Variants in BACH1 observed in about 807,000 individuals in gnomAD.
BACH1 encodes the protein transcription regulator protein BACH1.
BACH1 carries 35 observed loss-of-function variants against 52.9 expected under a neutral mutation model. The ratio of observed to expected loss-of-function variants is 0.66; its 90% confidence interval spans 0.51 to 0.88. BACH1 has a LOEUF of 0.88. Ranked by LOEUF, BACH1 falls within the 40% of genes least tolerant of loss-of-function variation. BACH1 has a pLI of 0.00. For synonymous variants in BACH1, 321 were observed against 319.6 expected (o/e 1.00, Z -0.05); for missense variants, 808 against 872.6 (o/e 0.93, Z 0.93).
At chr21:29,359,348 A>G (rs1042686524) in intron 2 of BACH1, 7 of 150,626 alleles carry the variant, frequency 4.6e-5, no homozygotes, top group African/African-American at 1.5e-4. Context: ...AAAATGAAAA[A>G]TACTCATGAC....
intron 4 of BACH1, among the ~76,000 whole-genome samples, chr21:29,339,519 C>T (rs1255462672): frequency 6.6e-6 from 1 of 151,594 alleles, no homozygotes; most frequent in Non-Finnish European, 1.5e-5. Context: ...CTTTTGGTGC[C>T]AAATTCTTCT....
chr21:29,359,652 GC>G (rs2089259343), intron 2 of BACH1, among the ~76,000 whole-genome samples: 1 of 151,742 alleles, frequency 6.6e-6, no homozygotes, highest in African/African-American at 2.4e-5. Flanking sequence ...GCTGGGAACT[GC>G]ATCAGACAAA....
At chr21:29,302,160 C>G (rs1042951480) in intron 1 of BACH1, among the ~76,000 whole-genome samples, 1 of 152,216 alleles carries the variant, frequency 6.6e-6, no homozygotes, top group Non-Finnish European at 1.5e-5. Flanking sequence ...CCTGCATTCC[C>G]TGAGCATTCT....
At chr21:29,311,779 T>C (rs2088726563) in intron 1 of BACH1, among the ~76,000 whole-genome samples, 1 of 152,232 alleles carries the variant, frequency 6.6e-6, no homozygotes, top group South Asian at 2.1e-4. Flanking sequence ...ACTCTGCACA[T>C]TGTAAGTTGT....
chr21:29,327,567 C>A (rs1358188784), intron 3 of BACH1, among the ~76,000 whole-genome samples, 174 bp downstream of exon 3: 1 of 152,184 alleles, frequency 6.6e-6, no homozygotes, highest in East Asian at 1.9e-4. Flanking sequence ...TGGCCCACAA[C>A]TGTTAATTCC....
chr21:29,299,110 T>G (rs1153278), intron 1 of BACH1, among the ~76,000 whole-genome samples, 157 bp downstream of exon 1: 150,938 of 151,172 alleles, frequency 1, 75,352 homozygotes, highest in Middle Eastern at 1. Flanking sequence ...GGGGCACGTA[T>G]CGGGGCCCGC....
At chr21:29,339,468 C>T (rs376889372) in intron 4 of BACH1, among the ~76,000 whole-genome samples, 82 of 152,212 alleles carry the variant, frequency 5.4e-4, no homozygotes, top group African/African-American at 2.0e-3. Flanking sequence ...CATTTTCTAA[C>T]AGTGAGTACT....
chr21:29,335,421 T>G (rs1245547727), intron 4 of BACH1, among the ~76,000 whole-genome samples: 1 of 152,178 alleles, frequency 6.6e-6, no homozygotes, highest in African/African-American at 2.4e-5. Flanking sequence ...TGACCCTACA[T>G]GTTAAATGTT....
intron 1 of BACH1, among the ~76,000 whole-genome samples, chr21:29,316,625 C>T (rs1352350287): frequency 6.6e-6 from 1 of 152,110 alleles, no homozygotes; most frequent in African/African-American, 2.4e-5. Context: ...GTAGTTGTTA[C>T]GTAGTTATTG....
chr21:29,345,619 A>G lies in BACH1; in HGVS notation c.*2786A>G, dbSNP rs1009956698. 2.0e-5 allele frequency: 3 copies of G among 152,608 alleles called. No individual in the cohort carries two copies. The highest frequency in any genetic ancestry group is 4.4e-5 in the Non-Finnish European group (3 of 68,022). 9.5% of individuals were successfully genotyped at this position (152,608 alleles called of 1,614,324 possible). ...CTGTAATTTTTTTTAACAGTTTGCT[A>G]TAGCTTACTGCTTAACTAATTTTAA... On this transcript the variant is annotated 3_prime_UTR_variant, in exon 5 of 5. Coordinates refer to ENST00000286800, the MANE Select transcript of BACH1 (RefSeq NM_001186.4).
At chr21:29,341,755 C>T (rs938077228) in intron 4 of BACH1, among the ~76,000 whole-genome samples, 1 of 152,126 alleles carries the variant, frequency 6.6e-6, no homozygotes, top group Non-Finnish European at 1.5e-5. Context: ...TTGCTTAAAT[C>T]AAGAGAGGTG....
chr21:29,299,001 C>G (rs2088571169), intron 1 of BACH1, 48 bp downstream of exon 1: 1 of 151,480 alleles, frequency 6.6e-6, no homozygotes, highest in South Asian at 2.0e-4. Context: ...AGGGTTGGCG[C>G]GGTCAGGGCC....
At chr21:29,358,468 G>A (rs1407727498) in intron 2 of BACH1, among the ~76,000 whole-genome samples, 3 of 152,148 alleles carry the variant, frequency 2.0e-5, no homozygotes, top group South Asian at 2.1e-4. Flanking sequence ...TGGGCTGGGC[G>A]CCGTGGCTCA....
intron 2 of BACH1, among the ~76,000 whole-genome samples, 176 bp from the exon 3 acceptor site, chr21:29,325,883 C>T (rs2088904580): frequency 6.6e-6 from 1 of 152,032 alleles, no homozygotes; most frequent in Non-Finnish European, 1.5e-5. Context: ...CATGCTTTTC[C>T]AGGATCTTTT....
Position 29,310,276 on chromosome 21 carries a change from A to T in BACH1, c.-60-10945A>T, listed in dbSNP as rs139158609. On this transcript the variant is annotated intron_variant, in intron 1 of 4. Transcript: ENST00000286800. ...ACCAAGGCACATTTTTTGTTTGTTTATAGTTATTTATTCCAACATTTTTCT... is the reference window on the plus strand; with the variant it reads ...ACCAAGGCACATTTTTTGTTTGTTTTTAGTTATTTATTCCAACATTTTTCT... 3.7e-3 allele frequency among the ~76,000 whole-genome samples: 560 copies of T among 152,310 alleles called. 4 individuals are homozygous for T. The highest frequency in any genetic ancestry group is 0.013 in the African/African-American group (532 of 41,572).
In BACH1 at chr21:29,326,632, T is replaced by G. The variant is rs61735774; in HGVS notation, c.808T>G (p.Cys270Gly). ...ENECLGGVPE[C>G]RDLQVMLKCD... ...TGAATGCCTGGGAGGAGTCCCGGAG[T>G]GTAGAGATTTGCAGGTGATGTTAAA... Residue 270 changes from cysteine to glycine, a missense_variant, in exon 3 of 5, where the codon TGT becomes GGT. Physicochemically the swap from Cys to Gly is radical, Grantham distance 159. Transcript: ENST00000286800. 3,753 of 1,613,872 alleles carry G rather than the reference T, an allele frequency of 2.3e-3. 7 individuals carry two copies. Among genetic ancestry groups the G allele is most frequent in the Non-Finnish European group, 3.0e-3 (3,525 of 1,179,992 alleles).
At chr21:29,328,224 T>C (rs1464255868) in intron 3 of BACH1, among the ~76,000 whole-genome samples, 4 of 152,218 alleles carry the variant, frequency 2.6e-5, no homozygotes, top group African/African-American at 9.6e-5. Context: ...CAACTATTGA[T>C]GAATGTCTTA....
At position 29,321,118 on chromosome 21, in the gene BACH1, A is replaced by AT; in HGVS notation, c.-60-99dup. ...TAGGTTGTTCCTCTGGAGGTTTTTTATTTTCATTTTTGTTTTAATGAGTAT... is the reference window on the plus strand; with the variant it reads ...TAGGTTGTTCCTCTGGAGGTTTTTTATTTTTCATTTTTGTTTTAATGAGTAT... On this transcript the variant is annotated intron_variant, in intron 1 of 4. Coordinates refer to ENST00000286800, the MANE Select transcript of BACH1 (RefSeq NM_001186.4). The AT allele has an allele frequency of 8.0e-6, 5 of 621,438 alleles. No individual in the cohort carries two copies. In the South Asian group the frequency reaches 8.9e-5, roughly 11 times the overall value. 38.5% of individuals were successfully genotyped at this position (621,438 alleles called of 1,614,324 possible).
intron 1 of BACH1, among the ~76,000 whole-genome samples, chr21:29,301,876 C>T (rs76617427): frequency 0.012 from 1,859 of 152,194 alleles, 38 homozygotes; most frequent in African/African-American, 0.043. Flanking sequence ...TTCAGAATAT[C>T]AACCTCCTAC....
Sources: allele counts gnomAD v4.1 joint callset (sites outside exome capture counted in the v4.1 genomes callset), GRCh38; gene constraint gnomAD v4.1.1; transcripts MANE v1.5; gene names NCBI Gene and HGNC (gene_info 2026-07-23, HGNC 2026-07-21).